The following EXO1 variants were observed in gnomAD, a reference collection of about 807,000 sequenced individuals.
EXO1 encodes the protein exonuclease 1.
EXO1 carries 69 observed loss-of-function variants against 84.5 expected under a neutral mutation model. The observed-to-expected ratio is 0.82, with a 90% CI of 0.67 to 1.00. The LOEUF is 1.00. Among genes scored for constraint, EXO1 ranks in the 50% least tolerant of loss-of-function variants. The pLI, the probability that EXO1 is intolerant of heterozygous loss-of-function variation, is 0.00. For synonymous variants in EXO1, 373 were observed against 366.1 expected (o/e 1.02, Z -0.21); for missense variants, 1,045 against 1,000.7 (o/e 1.04, Z -0.60).
At chr1:241,853,193 G>C (rs1236538296) in intron 5 of EXO1, among the ~76,000 whole-genome samples, 165 bp from the exon 6 acceptor site, 1 of 152,062 alleles carries the variant, frequency 6.6e-6, no homozygotes, top group African/African-American at 2.4e-5. Flanking sequence ...TGCCTTAGAA[G>C]CCTAAAGCAT....
chr1:241,856,484 T>G (rs1661046755), intron 6 of EXO1, among the ~76,000 whole-genome samples: 1 of 152,072 alleles, frequency 6.6e-6, no homozygotes, highest in Non-Finnish European at 1.5e-5. Context: ...GATACATTAT[T>G]AGAGGAGAGT....
intron 14 of EXO1, among the ~76,000 whole-genome samples, chr1:241,882,987 A>C (rs992573967): frequency 1.3e-5 from 2 of 152,204 alleles, no homozygotes; most frequent in African/African-American, 4.8e-5. Flanking sequence ...AATACTTAAT[A>C]CTGCATTGGT....
In EXO1 at chr1:241,885,320, G is replaced by A. The variant is rs1302983419; in HGVS notation, c.2218G>A (p.Gly740Arg). Residue 740 changes from glycine (G) to arginine (R), a missense_variant, in exon 15 of 16, where the codon GGG (glycine) becomes AGG (arginine). By Grantham distance (125) the Gly-to-Arg change is moderately radical (BLOSUM62 -2). Coordinates refer to ENST00000366548, the MANE Select transcript of EXO1 (RefSeq NM_130398.4). ...ATGGGTGTTTAATCTTCAGGTTCCT[G>A]GGCTATATAAGTCCAGTTCTGCAGA... is the stretch of plus-strand genomic sequence containing the variant. The part of the protein sequence containing the change: ...KDTPLRNKVP[G>R]LYKSSSADSL... 6.2e-7 allele frequency: 1 copy of A among 1,612,948 alleles called. No homozygotes were observed. Among genetic ancestry groups the A allele is most frequent in the Non-Finnish European group, 8.5e-7 (1 of 1,179,380 alleles).
intron 4 of EXO1, 75 bp downstream of exon 4, chr1:241,850,661 A>G: frequency 1.6e-6 from 2 of 1,259,352 alleles, no homozygotes; most frequent in East Asian, 2.3e-5. Context: ...TCCCCCAGAA[A>G]CGGATTGTTT....
chr1:241,868,661 C>T (rs567562932), intron 11 of EXO1, among the ~76,000 whole-genome samples: 23 of 152,240 alleles, frequency 1.5e-4, no homozygotes, highest in Admixed American at 4.6e-4. Context: ...GAACAATACC[C>T]TGTCTCAAAT....
chr1:241,866,424 TA>T lies in EXO1; in HGVS notation c.1042-402del, dbSNP rs4149943. 7.7e-3 allele frequency among the ~76,000 whole-genome samples: 1,175 copies of T among 152,330 alleles called. 13 individuals carry two copies. The highest frequency in any genetic ancestry group is 0.027 in the African/African-American group (1,131 of 41,572). On this transcript the variant is annotated intron_variant, in intron 10 of 15. Transcript: ENST00000366548. ...CCACCGTGCCTGGCTGCTTTCCATTTAAAAGACACCGTTTTCCTGACCACAT... is the reference window on the plus strand; with the variant it reads ...CCACCGTGCCTGGCTGCTTTCCATTTAAAGACACCGTTTTCCTGACCACAT...
At position 241,889,623 on chromosome 1, in the gene EXO1, T is replaced by C. The variant is rs759520328; in HGVS notation, c.*23T>C. ...TAAATGCAGACTGCTGCAAAGCTTTTGCCTGCAAGAGAATCTGATCAATTT... is the reference window on the plus strand; with the variant it reads ...TAAATGCAGACTGCTGCAAAGCTTTCGCCTGCAAGAGAATCTGATCAATTT... On this transcript the variant is annotated 3_prime_UTR_variant, in exon 16 of 16. Transcript: ENST00000366548. 6.2e-7 allele frequency: 1 copy of C among 1,612,562 alleles called. No individual in the cohort carries two copies. Among genetic ancestry groups the C allele is most frequent in the Non-Finnish European group, 8.5e-7 (1 of 1,178,710 alleles).
chr1:241,879,146 G>T lies in EXO1; in HGVS notation c.1912G>T (p.Asp638Tyr), dbSNP rs753339050. 1 of 1,609,196 alleles carries T rather than the reference G, an allele frequency of 6.2e-7. No homozygotes were observed. The highest frequency in any genetic ancestry group is 1.1e-5 in the South Asian group (1 of 91,048). The change falls in exon 13 of 16, where the codon GAT (aspartate) becomes TAT (tyrosine). Residue 638 changes from aspartate (D) to tyrosine (Y), a missense_variant. Transcript: ENST00000366548. The stretch of plus-strand genomic sequence containing the variant: ...ATTGCAGCAGTTCCGAAGAAAGAGC[G>T]ATTCCCCCACCTCTTTGCCTGAGAA... ...TALQQFRRKS[D>Y]SPTSLPENNM...
At chr1:241,860,967 A>G (rs2148430154) in intron 9 of EXO1, among the ~76,000 whole-genome samples, 1 of 152,330 alleles carries the variant, frequency 6.6e-6, no homozygotes, top group South Asian at 2.1e-4. Context: ...TCCGTCACTT[A>G]CGGTACACAT....
chr1:241,869,449 T>C (rs1252931084), intron 11 of EXO1, among the ~76,000 whole-genome samples: 1 of 152,212 alleles, frequency 6.6e-6, no homozygotes, highest in African/African-American at 2.4e-5. Flanking sequence ...CCTTCTCTCT[T>C]AACTTCCTTC....
chr1:241,859,597 T>C (rs1301405286), intron 8 of EXO1, among the ~76,000 whole-genome samples: 1 of 152,222 alleles, frequency 6.6e-6, no homozygotes, highest in Non-Finnish European at 1.5e-5. Context: ...CATCCCTAAG[T>C]TATCTCATAA....
At chr1:241,853,325 G>A (rs770027738) in intron 5 of EXO1, 33 bp from the exon 6 acceptor site, 5 of 1,609,574 alleles carry the variant, frequency 3.1e-6, no homozygotes, top group Non-Finnish European at 4.3e-6. Context: ...CCTCTTAAAT[G>A]TTTTATATTT....
intron 6 of EXO1, chr1:241,854,472 T>C (rs879243800): frequency 6.6e-6 from 1 of 152,244 alleles, no homozygotes; most frequent in Non-Finnish European, 1.5e-5. Context: ...AAGTCAGCTT[T>C]TTCTAGCTTA....
chr1:241,869,007 A>T (rs1449731541), intron 11 of EXO1, among the ~76,000 whole-genome samples: 1 of 152,232 alleles, frequency 6.6e-6, no homozygotes, highest in South Asian at 2.1e-4. Context: ...AGGATTTTCT[A>T]TATAAATGAC....
At chr1:241,855,457 C>T (rs1482231510) in intron 6 of EXO1, among the ~76,000 whole-genome samples, 3 of 152,182 alleles carry the variant, frequency 2.0e-5, no homozygotes, top group Admixed American at 6.5e-5. Flanking sequence ...TATTTACAAT[C>T]CCTGAGCTAG....
chr1:241,873,091 T>C (rs1662204773), intron 12 of EXO1, among the ~76,000 whole-genome samples: 1 of 150,944 alleles, frequency 6.6e-6, no homozygotes, highest in South Asian at 2.1e-4. Flanking sequence ...TTTTTTTTTA[T>C]ACTTTAAGTT....
At chr1:241,876,955 G>A (rs1574174216) in intron 12 of EXO1, among the ~76,000 whole-genome samples, 2 of 152,276 alleles carry the variant, frequency 1.3e-5, no homozygotes, top group Non-Finnish European at 2.9e-5. Context: ...TATACATAAG[G>A]CTGTTGTGAA....
chr1:241,867,075 A>G lies in EXO1; in HGVS notation c.1267+20A>G, dbSNP rs778398787. On this transcript the variant is annotated intron_variant, in intron 11 of 15. Coordinates refer to ENST00000366548, the MANE Select transcript of EXO1 (RefSeq NM_130398.4). The stretch of plus-strand genomic sequence containing the variant: ...GAAGTGGTACGTATTTCAGTTTTGC[A>G]AAATGCTGGTGAATATTGGTCATAT... 8 of 1,543,928 alleles carry G rather than the reference A, an allele frequency of 5.2e-6. No homozygotes were observed. Among genetic ancestry groups the G allele is most frequent in the Non-Finnish European group, 7.2e-6 (8 of 1,116,620 alleles).
chr1:241,888,020 C>T (rs1388750549), intron 15 of EXO1, among the ~76,000 whole-genome samples: 2 of 152,156 alleles, frequency 1.3e-5, no homozygotes, highest in African/African-American at 2.4e-5. Flanking sequence ...TATCATACTT[C>T]CATACACAAT....
Sources: allele counts gnomAD v4.1 joint callset (sites outside exome capture counted in the v4.1 genomes callset), GRCh38; gene constraint gnomAD v4.1.1; transcripts MANE v1.5; gene names NCBI Gene and HGNC (gene_info 2026-07-23, HGNC 2026-07-21).